Variants in LYRM4 observed in about 807,000 individuals in gnomAD.
The protein encoded by LYRM4 is LYR motif-containing protein 4.
Under a neutral mutation model 11.7 loss-of-function variants are expected in LYRM4, and 9 were observed. The observed-to-expected ratio is 0.77, with a 90% confidence interval of 0.46 to 1.34. The LOEUF is 1.34. LYRM4 is among the 40% of genes most tolerant of loss of function. The pLI is 0.00. For synonymous variants in LYRM4, 42 were observed against 40.4 expected (o/e 1.04, Z -0.15); for missense variants, 133 against 112.5 (o/e 1.18, Z -0.82).
the LYRM4 span, among the ~76,000 whole-genome samples, chr6:5,051,428 A>G: frequency 6.6e-6 from 1 of 152,216 alleles, no homozygotes; most frequent in African/African-American, 2.4e-5. Flanking sequence ...CAAGAAAGAA[A>G]TGACTCATCC....
chr6:5,087,997 A>G, the LYRM4 span: 1 of 152,198 alleles, frequency 6.6e-6, no homozygotes, highest in Non-Finnish European at 1.5e-5. Context: ...GGCTGGGCAT[A>G]CGTACATTTG....
intron 2 of LYRM4, among the ~76,000 whole-genome samples, chr6:5,116,513 T>C (rs534388814): frequency 9.8e-5 from 15 of 152,336 alleles, no homozygotes; most frequent in Admixed American, 7.2e-4. Context: ...CCGGGATTGC[T>C]GCCGTGGTGC....
chr6:5,202,807 G>C (rs1466189448), intron 2 of LYRM4, among the ~76,000 whole-genome samples: 2 of 152,012 alleles, frequency 1.3e-5, no homozygotes, highest in Non-Finnish European at 1.5e-5. Context: ...TTTTCATAAG[G>C]GTATTCCATA....
chr6:5,096,292 C>T, the LYRM4 span, among the ~76,000 whole-genome samples: 1 of 152,094 alleles, frequency 6.6e-6, no homozygotes, highest in Non-Finnish European at 1.5e-5. Flanking sequence ...GAGTTTGAGA[C>T]CAGCCAGGAC....
chr6:5,065,035 T>C, the LYRM4 span, among the ~76,000 whole-genome samples: 7 of 152,168 alleles, frequency 4.6e-5, no homozygotes, highest in African/African-American at 1.7e-4. Flanking sequence ...TACTCATCCC[T>C]CTCTACCCTA....
downstream of LYRM4, among the ~76,000 whole-genome samples, chr6:5,100,117 A>C (rs1053896138): frequency 6.6e-6 from 1 of 152,212 alleles, no homozygotes; most frequent in African/African-American, 2.4e-5. Flanking sequence ...CTTACCTACT[A>C]AAAAATGGGA....
chr6:5,197,280 AG>A (rs907150647), intron 2 of LYRM4, among the ~76,000 whole-genome samples: 5 of 151,796 alleles, frequency 3.3e-5, no homozygotes, highest in African/African-American at 9.7e-5. Flanking sequence ...AGTTGGTTGA[AG>A]GGGGGGGCCA....
At chr6:5,165,681 T>A (rs1174106538) in intron 2 of LYRM4, among the ~76,000 whole-genome samples, 2 of 152,088 alleles carry the variant, frequency 1.3e-5, no homozygotes, top group African/African-American at 4.8e-5. Flanking sequence ...TAGCTGGGAC[T>A]AGAGGTGCAT....
At chr6:5,040,093 C>A in the LYRM4 span, among the ~76,000 whole-genome samples, 3 of 152,240 alleles carry the variant, frequency 2.0e-5, no homozygotes, top group East Asian at 5.8e-4. Context: ...CCACAAAAAT[C>A]AATTTCAGAA....
At chr6:5,245,147 TA>T in intron 1 of LYRM4, among the ~76,000 whole-genome samples, 1 of 83,920 alleles carries the variant, frequency 1.2e-5, no homozygotes, top group Non-Finnish European at 2.3e-5. Flanking sequence ...TATATATATA[TA>T]TATATATATA....
chr6:5,101,514 G>T (rs1176546220), downstream of LYRM4, among the ~76,000 whole-genome samples: 1 of 152,206 alleles, frequency 6.6e-6, no homozygotes, highest in African/African-American at 2.4e-5. Context: ...CAGAAATTTG[G>T]TGAAGCTACT....
chr6:5,256,490 G>GAAAAAAAAAAAAAAAAAAAAAAAAAAA (rs777995486), intron 1 of LYRM4, among the ~76,000 whole-genome samples: 1 of 37,520 alleles, frequency 2.7e-5, no homozygotes, highest in African/African-American at 8.1e-5. Flanking sequence ...GATTTCAACT[G>GAAAAAAAAAAAAAAAAAAAAAAAAAAA]GAAAAAAAAA....
At chr6:5,223,886 T>C (rs1762729371) in intron 1 of LYRM4, among the ~76,000 whole-genome samples, 1 of 152,188 alleles carries the variant, frequency 6.6e-6, no homozygotes, top group Non-Finnish European at 1.5e-5. Context: ...ACTTCCCTGT[T>C]TAAAAATGCC....
intron 2 of LYRM4, among the ~76,000 whole-genome samples, chr6:5,172,599 G>A (rs1404399947): frequency 1.3e-5 from 2 of 152,104 alleles, no homozygotes; most frequent in East Asian, 3.9e-4. Flanking sequence ...TGCAAAGGGA[G>A]GACCACACAA....
At chr6:5,123,816 A>G (rs1468068679) in intron 2 of LYRM4, among the ~76,000 whole-genome samples, 1 of 152,242 alleles carries the variant, frequency 6.6e-6, no homozygotes, top group Admixed American at 6.5e-5. Flanking sequence ...AAAGGAAGCC[A>G]TGGTCTGTGG....
At chr6:5,063,524 G>A in the LYRM4 span, among the ~76,000 whole-genome samples, 3 of 152,220 alleles carry the variant, frequency 2.0e-5, no homozygotes, top group South Asian at 6.2e-4. Flanking sequence ...ACACCCTTGT[G>A]TGGTTGTTTA....
chr6:5,254,231 G>T (rs564163746), intron 1 of LYRM4, among the ~76,000 whole-genome samples: 1 of 152,150 alleles, frequency 6.6e-6, no homozygotes, highest in East Asian at 1.9e-4. Flanking sequence ...CAAGTTGAAC[G>T]AATTGGCCTC....
chr6:5,159,703 A>G (rs944817804), intron 2 of LYRM4, among the ~76,000 whole-genome samples: 5 of 152,142 alleles, frequency 3.3e-5, no homozygotes, highest in Non-Finnish European at 5.9e-5. Context: ...CTTACAATTC[A>G]TACCTATCTT....
At chr6:5,093,986 G>A in the LYRM4 span, among the ~76,000 whole-genome samples, 2 of 152,186 alleles carry the variant, frequency 1.3e-5, no homozygotes, top group South Asian at 4.1e-4. Context: ...CCCCAACCCC[G>A]ACTAGGTTGG....
Sources: gnomAD v4.1 joint callset for allele counts (sites outside exome capture counted in the v4.1 genomes callset) on GRCh38, gnomAD v4.1.1 for gene constraint, MANE v1.5 for transcripts, NCBI Gene and HGNC (gene_info 2026-07-23, HGNC 2026-07-21) for gene names.